Variants in SLC24A3 observed in about 807,000 individuals in gnomAD.
SLC24A3 encodes the protein solute carrier family 24 member 3.
SLC24A3 carries 28 observed loss-of-function variants against 75.8 expected under a neutral mutation model. The ratio of observed to expected loss-of-function variants is 0.37; its 90% CI spans 0.27 to 0.51. SLC24A3 has a LOEUF of 0.51. SLC24A3 is among the 20% of genes least tolerant of loss of function. The pLI is 0.94. For missense variants in SLC24A3, 663 were observed against 847.8 expected, an observed-to-expected ratio of 0.78 and a Z score of 2.71; for synonymous variants, 372 against 334.1, an observed-to-expected ratio of 1.11 and a Z score of -1.24.
intron 3 of SLC24A3, among the ~76,000 whole-genome samples, chr20:19,532,872 C>A (rs576063807): frequency 1.4e-4 from 21 of 152,150 alleles, no homozygotes; most frequent in Non-Finnish European, 2.4e-4. Flanking sequence ...CATTGGCAGC[C>A]CCCTGATTGG....
At chr20:19,333,370 C>A (rs1411819880) in intron 2 of SLC24A3, among the ~76,000 whole-genome samples, 1 of 152,124 alleles carries the variant, frequency 6.6e-6, no homozygotes, top group Non-Finnish European at 1.5e-5. Flanking sequence ...AAACTAGGGG[C>A]TGAGAAACAG....
At chr20:19,555,757 C>T (rs1372801731) in intron 3 of SLC24A3, among the ~76,000 whole-genome samples, 1 of 152,166 alleles carries the variant, frequency 6.6e-6, no homozygotes, top group Non-Finnish European at 1.5e-5. Flanking sequence ...TTGTAAATTA[C>T]TCTGAGTTTT....
intron 2 of SLC24A3, among the ~76,000 whole-genome samples, chr20:19,388,560 A>C (rs1986311680): frequency 6.6e-6 from 1 of 152,172 alleles, no homozygotes; most frequent in African/African-American, 2.4e-5. Context: ...AAATACAAAA[A>C]ATTAGCCGGG....
intron 1 of SLC24A3, among the ~76,000 whole-genome samples, chr20:19,254,885 T>G (rs1982766409): frequency 6.6e-6 from 1 of 152,240 alleles, no homozygotes; most frequent in Non-Finnish European, 1.5e-5. Context: ...ACTAGCTCTG[T>G]GACCTTGAGA....
chr20:19,294,875 A>G (rs1347787261), intron 2 of SLC24A3, among the ~76,000 whole-genome samples: 3 of 152,318 alleles, frequency 2.0e-5, no homozygotes, highest in Middle Eastern at 3.4e-3. Context: ...GTCTTCCACA[A>G]TGGTTGAACT....
Position 19,532,744 on chromosome 20 carries a change from A to C in SLC24A3, c.348+17180A>C, listed in dbSNP as rs556888481. Among the ~76,000 whole-genome samples, 7 of 152,296 alleles carry C rather than the reference A, an allele frequency of 4.6e-5. No homozygotes were observed. In the East Asian group the frequency reaches 1.2e-3, roughly 25 times the overall value. On this transcript the variant is annotated intron_variant, in intron 3 of 16. Transcript: ENST00000328041. ...CACACCGTCTTATTCCACCCTGGCA[A>C]CCCTCAGAGCTAGGTACCATAGAGA...
chr20:19,330,404 T>C (rs1054035893), intron 2 of SLC24A3, among the ~76,000 whole-genome samples: 2 of 152,204 alleles, frequency 1.3e-5, no homozygotes, highest in African/African-American at 4.8e-5. Flanking sequence ...AAGGGCATCT[T>C]TGAAGCAACC....
intron 1 of SLC24A3, among the ~76,000 whole-genome samples, chr20:19,277,185 T>G (rs560981075): frequency 3.3e-5 from 5 of 152,374 alleles, no homozygotes; most frequent in Admixed American, 1.3e-4. Flanking sequence ...CTCATTCTGC[T>G]ACTTGCTCAC....
At chr20:19,684,065 A>T (rs905468440) in intron 10 of SLC24A3, 111 bp from the exon 11 acceptor site, 10 of 1,242,168 alleles carry the variant, frequency 8.1e-6, no homozygotes, top group Middle Eastern at 3.9e-4. Context: ...GGGTGAATGG[A>T]TGGGAGGAAA....
intron 1 of SLC24A3, among the ~76,000 whole-genome samples, chr20:19,225,736 G>A (rs1216858528): frequency 6.6e-6 from 1 of 152,086 alleles, no homozygotes; most frequent in Non-Finnish European, 1.5e-5. Flanking sequence ...ATGCTTCTCA[G>A]CTTCATCTAA....
chr20:19,590,273 C>T (rs1282116031), intron 6 of SLC24A3, among the ~76,000 whole-genome samples: 1 of 152,098 alleles, frequency 6.6e-6, no homozygotes, highest in Non-Finnish European at 1.5e-5. Context: ...GCTTCCACCA[C>T]AGATGGAGGA....
At chr20:19,567,518 G>A (rs1009196577) in intron 3 of SLC24A3, among the ~76,000 whole-genome samples, 1 of 152,138 alleles carries the variant, frequency 6.6e-6, no homozygotes, top group Non-Finnish European at 1.5e-5. Flanking sequence ...GGTAGGGGTG[G>A]GAGGAAGGTG....
At chr20:19,618,026 A>G (rs1379857325) in intron 6 of SLC24A3, among the ~76,000 whole-genome samples, 1 of 150,864 alleles carries the variant, frequency 6.6e-6, no homozygotes, top group East Asian at 2.0e-4. Context: ...CTTTAAATTG[A>G]CTTCTCCTCC....
intron 2 of SLC24A3, among the ~76,000 whole-genome samples, chr20:19,501,885 G>A (rs182970659): frequency 6.2e-4 from 94 of 152,144 alleles, no homozygotes; most frequent in African/African-American, 2.2e-3. Flanking sequence ...ACTTTCCCTA[G>A]GCTGTTATTT....
intron 6 of SLC24A3, among the ~76,000 whole-genome samples, chr20:19,586,026 AT>A (rs1272434822): frequency 9.2e-5 from 14 of 152,280 alleles, no homozygotes; most frequent in Middle Eastern, 6.8e-3. Flanking sequence ...AGAGCATTTC[AT>A]TTCTCTATTA....
At chr20:19,299,103 A>G (rs1337940357) in intron 2 of SLC24A3, among the ~76,000 whole-genome samples, 1 of 152,134 alleles carries the variant, frequency 6.6e-6, no homozygotes, top group African/African-American at 2.4e-5. Context: ...CCCCAACTAC[A>G]TGATTTCAAT....
chr20:19,253,011 T>C (rs1982709072), intron 1 of SLC24A3, among the ~76,000 whole-genome samples: 1 of 152,226 alleles, frequency 6.6e-6, no homozygotes, highest in African/African-American at 2.4e-5. Context: ...TGTGGCAACT[T>C]GTGGAGCAAT....
At chr20:19,296,096 G>A (rs1332675612) in intron 2 of SLC24A3, among the ~76,000 whole-genome samples, 1 of 152,048 alleles carries the variant, frequency 6.6e-6, no homozygotes. Flanking sequence ...GATGGTGTAT[G>A]TGTCCAACAG....
intron 2 of SLC24A3, among the ~76,000 whole-genome samples, chr20:19,393,289 G>A (rs561176229): frequency 5.8e-4 from 88 of 152,130 alleles, no homozygotes; most frequent in Non-Finnish European, 6.8e-4. Context: ...AGAGACTGTG[G>A]AAGAAACAAA....
Sources: gnomAD v4.1 joint callset for allele counts (sites outside exome capture counted in the v4.1 genomes callset) on GRCh38, gnomAD v4.1.1 for gene constraint, MANE v1.5 for transcripts, NCBI Gene and HGNC (gene_info 2026-07-23, HGNC 2026-07-21) for gene names.